The following DNM3 variants were observed in gnomAD, a reference collection of about 807,000 sequenced individuals.
The protein encoded by DNM3 is dynamin-3.
Under a neutral mutation model 101.6 loss-of-function variants are expected in DNM3, and 47 were observed. That is an observed-to-expected ratio of 0.46 (90% CI 0.37 to 0.59). The LOEUF (loss-of-function observed/expected upper bound fraction) is 0.59, where lower values mean the gene tolerates loss of function less well. Among genes scored for constraint, DNM3 ranks in the 20% least tolerant of loss-of-function variants. The pLI, the probability that DNM3 is intolerant of heterozygous loss-of-function variation, is 0.00. For missense variants in DNM3, 849 were observed against 1,085.7 expected, an observed-to-expected ratio of 0.78 and a Z score of 3.06; for synonymous variants, 385 against 387.9, an observed-to-expected ratio of 0.99 and a Z score of 0.09.
intron 14 of DNM3, among the ~76,000 whole-genome samples, chr1:172,161,132 G>T (rs982620128): frequency 6.6e-6 from 1 of 151,332 alleles, no homozygotes; most frequent in African/African-American, 2.4e-5. Context: ...GAATAAGTTT[G>T]CTAGTCTTTG....
chr1:172,036,202 G>T (rs1407268953), intron 6 of DNM3, among the ~76,000 whole-genome samples: 6 of 127,660 alleles, frequency 4.7e-5, no homozygotes, highest in African/African-American at 1.9e-4. Context: ...TCCAATTCCT[G>T]TGTCCATGTG....
At chr1:172,339,790 G>A (rs1002645253) in intron 17 of DNM3, among the ~76,000 whole-genome samples, 1 of 152,088 alleles carries the variant, frequency 6.6e-6, no homozygotes, top group Non-Finnish European at 1.5e-5. Flanking sequence ...CACCTGCTAG[G>A]TGCTAAGAAT....
At chr1:172,004,318 G>A (rs980646639) in intron 4 of DNM3, among the ~76,000 whole-genome samples, 2 of 151,996 alleles carry the variant, frequency 1.3e-5, no homozygotes, top group African/African-American at 4.8e-5. Flanking sequence ...ACAAGTCCAG[G>A]TTATAAATGT....
chr1:172,288,042 A>C (rs1359128348), intron 15 of DNM3, among the ~76,000 whole-genome samples: 1 of 152,124 alleles, frequency 6.6e-6, no homozygotes, highest in Non-Finnish European at 1.5e-5. Flanking sequence ...ATTGGCGAAC[A>C]CTTTATTCTG....
At chr1:172,042,235 G>T in intron 8 of DNM3, 91 bp downstream of exon 8, 1 of 1,253,464 alleles carries the variant, frequency 8.0e-7, no homozygotes, top group South Asian at 2.1e-5. Context: ...GAGTGGTATA[G>T]AACTAACATA....
chr1:171,921,584 T>A (rs988171123), intron 1 of DNM3, among the ~76,000 whole-genome samples, 164 bp from the exon 2 acceptor site: 2 of 152,204 alleles, frequency 1.3e-5, no homozygotes, highest in African/African-American at 4.8e-5. Flanking sequence ...TCCTTTTTTT[T>A]AAATTTGAAA....
intron 12 of DNM3, among the ~76,000 whole-genome samples, chr1:172,091,726 G>T (rs996968962): frequency 1.4e-4 from 22 of 152,170 alleles, no homozygotes; most frequent in Non-Finnish European, 2.9e-4. Context: ...AAATGGAATG[G>T]TGTTGATGCA....
intron 15 of DNM3, among the ~76,000 whole-genome samples, chr1:172,291,273 CGTGT>C: frequency 9.8e-6 from 1 of 102,556 alleles, no homozygotes; most frequent in Non-Finnish European, 2.4e-5. Context: ...CATACATGTG[CGTGT>C]GTACACGTGT....
chr1:172,216,995 T>A (rs1331227783), intron 14 of DNM3, among the ~76,000 whole-genome samples: 1 of 152,138 alleles, frequency 6.6e-6, no homozygotes, highest in African/African-American at 2.4e-5. Flanking sequence ...CTTTCAAAAA[T>A]TAGGTCATTT....
At chr1:171,924,715 T>C (rs1416157456) in intron 2 of DNM3, among the ~76,000 whole-genome samples, 1 of 152,114 alleles carries the variant, frequency 6.6e-6, no homozygotes, top group Non-Finnish European at 1.5e-5. Context: ...AAGATGAGAT[T>C]TGGGTGGGGA....
At chr1:172,276,637 T>A (rs959034575) in intron 15 of DNM3, among the ~76,000 whole-genome samples, 14 of 151,086 alleles carry the variant, frequency 9.3e-5, no homozygotes, top group African/African-American at 3.4e-4. Context: ...TTGTTAATTA[T>A]AAACCAGTCT....
intron 1 of DNM3, 28 bp from the exon 2 acceptor site, chr1:171,921,720 C>G: frequency 6.5e-7 from 1 of 1,550,006 alleles, no homozygotes; most frequent in Non-Finnish European, 8.8e-7. Context: ...TCCTTCATGC[C>G]TTAATCTGTA....
At chr1:172,150,947 C>T (rs2058103012) in intron 14 of DNM3, among the ~76,000 whole-genome samples, 1 of 152,118 alleles carries the variant, frequency 6.6e-6, no homozygotes, top group Non-Finnish European at 1.5e-5. Context: ...CATAACCTTT[C>T]TCACCCTTGA....
intron 15 of DNM3, among the ~76,000 whole-genome samples, chr1:172,305,436 C>T (rs776929395): frequency 6.6e-6 from 1 of 152,158 alleles, no homozygotes. Context: ...GATTCACAGC[C>T]GAATTCTACC....
chr1:172,026,609 C>T (rs2048221958), intron 4 of DNM3, among the ~76,000 whole-genome samples: 1 of 150,964 alleles, frequency 6.6e-6, no homozygotes, highest in Non-Finnish European at 1.5e-5. Context: ...GCAGATCTCT[C>T]TACAGAAACC....
chr1:172,032,976 A>C lies in DNM3; in HGVS notation c.689-129A>C, dbSNP rs929325125. On this transcript the variant is annotated intron_variant, in intron 5 of 20. Transcript: ENST00000627582. Reference sequence around the variant, plus strand: ...CTGATGTTTCCCATTGAGTTTTATAAAGGAACTCAGTCTTCAGGCCTAAAA... The same window carrying C: ...CTGATGTTTCCCATTGAGTTTTATACAGGAACTCAGTCTTCAGGCCTAAAA... The C allele has an allele frequency of 1.8e-5, 20 of 1,119,766 alleles. No homozygotes were observed. The African/African-American group carries it at 3.0e-4, about 17-fold the overall frequency. 69.4% of individuals were successfully genotyped at this position (1,119,766 alleles called of 1,614,324 possible).
At chr1:172,154,141 T>C (rs1390996284) in intron 14 of DNM3, among the ~76,000 whole-genome samples, 2 of 152,060 alleles carry the variant, frequency 1.3e-5, no homozygotes, top group Non-Finnish European at 2.9e-5. Flanking sequence ...TGCCTGTAGT[T>C]TCTAGGTATG....
chr1:172,390,298 T>C (rs1199663603), intron 20 of DNM3, among the ~76,000 whole-genome samples: 1 of 152,182 alleles, frequency 6.6e-6, no homozygotes, highest in Non-Finnish European at 1.5e-5. Flanking sequence ...AACAAATAGG[T>C]TGTTATCCAC....
intron 15 of DNM3, among the ~76,000 whole-genome samples, chr1:172,294,866 C>T (rs1446174967): frequency 2.0e-5 from 3 of 149,060 alleles, no homozygotes; most frequent in Non-Finnish European, 3.0e-5. Flanking sequence ...GAGCCAAGAT[C>T]GCGCCACTGC....
Sources: gnomAD v4.1 joint callset for allele counts (sites outside exome capture counted in the v4.1 genomes callset) on GRCh38, gnomAD v4.1.1 for gene constraint, MANE v1.5 for transcripts, NCBI Gene and HGNC (gene_info 2026-07-23, HGNC 2026-07-21) for gene names.